EXOC4: variants seen among roughly 807,000 people sequenced by gnomAD.
EXOC4 encodes exocyst complex component 4, also known as SEC8-like 1.
EXOC4 carries 71 observed loss-of-function variants against 107.2 expected under a neutral mutation model. The observed-to-expected ratio is 0.66, with a 90% CI of 0.55 to 0.81. The LOEUF is 0.81. EXOC4 is among the 30% of genes least tolerant of loss of function. The pLI, the probability that EXOC4 is intolerant of heterozygous loss-of-function variation, is 0.00. For missense variants in EXOC4, 1,108 were observed against 1,189.6 expected, an observed-to-expected ratio of 0.93 and a Z score of 1.01; for synonymous variants, 456 against 441.2, an observed-to-expected ratio of 1.03 and a Z score of -0.42.
Position 133,785,217 on chromosome 7 carries a change from T to C in EXOC4, c.1515-32108T>C, listed in dbSNP as rs1796544136. 1.3e-5 allele frequency among the ~76,000 whole-genome samples: 2 copies of C among 152,180 alleles called. 1 individual carries two copies. Among genetic ancestry groups the C allele is most frequent in the Admixed American group, 1.3e-4 (2 of 15,280 alleles). On this transcript the variant is annotated intron_variant, in intron 10 of 17. Coordinates refer to ENST00000253861, the MANE Select transcript of EXOC4 (RefSeq NM_021807.4). ...CTGACAATTATGTTCTTCGGGTCTG[T>C]TTGCCTACATGGGTAATTTCTAGAA...
At chr7:133,615,080 A>T (rs971270975) in intron 9 of EXOC4, among the ~76,000 whole-genome samples, 1 of 152,166 alleles carries the variant, frequency 6.6e-6, no homozygotes, top group Non-Finnish European at 1.5e-5. Context: ...CGTCACTGAA[A>T]CTAAAGCAAA....
At chr7:133,585,511 CAGTTACTCGGA>C (rs971265352) in intron 9 of EXOC4, among the ~76,000 whole-genome samples, 4 of 151,912 alleles carry the variant, frequency 2.6e-5, no homozygotes, top group African/African-American at 9.7e-5. Context: ...CCTGTGGTCC[CAGTTACTCGGA>C]AGGCTGGGTG....
chr7:133,380,239 AAAAATAAAATAAAATAAAAT>A (rs10688501), intron 7 of EXOC4, among the ~76,000 whole-genome samples: 73 of 137,804 alleles, frequency 5.3e-4, no homozygotes, highest in Non-Finnish European at 6.4e-4. Context: ...AAAGTATAAT[AAAAATAAAATAAAATAAAAT>A]AAAATAAAAT....
At chr7:133,853,227 C>A (rs912432315) in intron 11 of EXOC4, among the ~76,000 whole-genome samples, 7 of 152,052 alleles carry the variant, frequency 4.6e-5, no homozygotes, top group African/African-American at 1.7e-4. Context: ...ATACCTGCTT[C>A]ATGTAGTTGG....
In EXOC4 at chr7:133,836,787, A is replaced by C. The variant is rs142534353; in HGVS notation, c.1734+19243A>C. On this transcript the variant is annotated intron_variant, in intron 11 of 17. Transcript: ENST00000253861. The stretch of plus-strand genomic sequence containing the variant: ...CTGGATCCATCCTCCTGCCTCCCTC[A>C]ACCGCAAGTCCTTGAGCAGCTAATC... Among the ~76,000 whole-genome samples, 124 of 152,184 alleles carry C rather than the reference A, an allele frequency of 8.1e-4. 2 individuals are homozygous for C. In the East Asian group the frequency reaches 0.023, roughly 28 times the overall value.
chr7:133,397,925 G>C (rs1797008471), intron 7 of EXOC4, among the ~76,000 whole-genome samples: 1 of 152,128 alleles, frequency 6.6e-6, no homozygotes, highest in Admixed American at 6.5e-5. Context: ...AATTTGGAGA[G>C]GTTAAGTGCC....
chr7:133,728,692 T>C (rs1001590194), intron 10 of EXOC4, among the ~76,000 whole-genome samples: 4 of 152,208 alleles, frequency 2.6e-5, no homozygotes, highest in African/African-American at 9.6e-5. Flanking sequence ...TTACCCCATT[T>C]CATTATTAGT....
chr7:133,896,940 G>C (rs926837530), intron 12 of EXOC4, among the ~76,000 whole-genome samples: 1 of 124,512 alleles, frequency 8.0e-6, no homozygotes. Flanking sequence ...TGGGATTACA[G>C]GCATGAGCCA....
chr7:133,303,294 C>T (rs1449012236), intron 3 of EXOC4, among the ~76,000 whole-genome samples: 5 of 152,096 alleles, frequency 3.3e-5, no homozygotes, highest in African/African-American at 1.2e-4. Context: ...ATTAGCTGGG[C>T]ATGGGGGCAG....
intron 11 of EXOC4, among the ~76,000 whole-genome samples, chr7:133,823,853 ATAT>A (rs1208606883): frequency 6.3e-5 from 1 of 15,976 alleles, no homozygotes; most frequent in Non-Finnish European, 8.9e-5. Context: ...TTATATATAT[ATAT>A]ATATATATAT....
At chr7:133,331,266 C>T (rs888037506) in intron 5 of EXOC4, among the ~76,000 whole-genome samples, 2 of 151,810 alleles carry the variant, frequency 1.3e-5, no homozygotes, top group Non-Finnish European at 1.5e-5. Context: ...AGTCCCTGTC[C>T]GTGGAAAAAT....
chr7:133,718,768 AT>A (rs1366283051), intron 10 of EXOC4, among the ~76,000 whole-genome samples: 1 of 152,210 alleles, frequency 6.6e-6, no homozygotes, highest in Non-Finnish European at 1.5e-5. Flanking sequence ...TTTAGTAAAC[AT>A]TAGCTGAAAA....
intron 10 of EXOC4, among the ~76,000 whole-genome samples, chr7:133,713,248 C>T (rs1794931022): frequency 6.6e-6 from 1 of 152,188 alleles, no homozygotes; most frequent in Non-Finnish European, 1.5e-5. Flanking sequence ...ATCTCCTCTT[C>T]TACAGAGTTG....
At chr7:133,970,024 C>T (rs1801166298) in intron 14 of EXOC4, among the ~76,000 whole-genome samples, 1 of 152,172 alleles carries the variant, frequency 6.6e-6, no homozygotes, top group Non-Finnish European at 1.5e-5. Flanking sequence ...TGCTGCCTTT[C>T]TTTCAGAGAT....
chr7:134,017,668 C>A (rs1187202122), intron 17 of EXOC4, among the ~76,000 whole-genome samples: 3 of 152,064 alleles, frequency 2.0e-5, no homozygotes, highest in Admixed American at 2.0e-4. Flanking sequence ...AATTAGGACT[C>A]CTTGAATGCG....
intron 11 of EXOC4, among the ~76,000 whole-genome samples, chr7:133,820,927 G>T (rs1016225651): frequency 2.0e-5 from 3 of 152,174 alleles, no homozygotes; most frequent in Non-Finnish European, 4.4e-5. Flanking sequence ...ATTTCCATGG[G>T]TGCCAACATG....
intron 14 of EXOC4, among the ~76,000 whole-genome samples, chr7:133,962,952 T>G (rs1800979767): frequency 1.3e-5 from 2 of 152,242 alleles, no homozygotes; most frequent in African/African-American, 2.4e-5. Flanking sequence ...GCATCTCTCA[T>G]TCAGCCTCTT....
chr7:133,358,745 C>T (rs573491438), intron 6 of EXOC4, among the ~76,000 whole-genome samples: 40 of 151,446 alleles, frequency 2.6e-4, no homozygotes, highest in African/African-American at 9.2e-4. Context: ...CATTATAGTA[C>T]CTTTAAAAGC....
At position 133,895,696 on chromosome 7, in the gene EXOC4, A is replaced by G; in HGVS notation, c.1832A>G (p.Lys611Arg). The G allele has an allele frequency of 6.2e-7, 1 of 1,614,174 alleles. No homozygotes were observed. The change falls in exon 12 of 18, where the codon AAG (lysine) becomes AGG (arginine). Residue 611 changes from lysine (K) to arginine (R), a missense_variant. Transcript: ENST00000253861. ...CAATTCCTCAACATGGTGTGCGTGA[A>G]GCTCCAGGAGTACAAGGACACCTGC... is the stretch of plus-strand genomic sequence containing the variant. ...SDQFLNMVCV[K>R]LQEYKDTCTA...
Sources: allele counts gnomAD v4.1 joint callset (sites outside exome capture counted in the v4.1 genomes callset), GRCh38; gene constraint gnomAD v4.1.1; transcripts MANE v1.5; gene names NCBI Gene and HGNC (gene_info 2026-07-23, HGNC 2026-07-21).